CD2AP: variants seen among roughly 807,000 people sequenced by gnomAD.
CD2AP encodes CD2 associated protein, also known as CD2-associated protein.
Under a neutral mutation model 85.1 loss-of-function variants are expected in CD2AP, and 46 were observed. The ratio of observed to expected loss-of-function variants is 0.54; its 90% confidence interval spans 0.43 to 0.69. CD2AP has a LOEUF of 0.69. Among genes scored for constraint, CD2AP ranks in the 30% least tolerant of loss-of-function variants. The pLI, the probability that CD2AP is intolerant of heterozygous loss-of-function variation, is 0.00. For missense variants in CD2AP, 769 were observed against 729.5 expected (o/e 1.05, Z -0.62); for synonymous variants, 255 against 252.9 (o/e 1.01, Z -0.08).
chr6:47,605,288 A>G (rs1470440906), intron 13 of CD2AP, among the ~76,000 whole-genome samples: 1 of 151,976 alleles, frequency 6.6e-6, no homozygotes, highest in African/African-American at 2.4e-5. Flanking sequence ...GTAGCAGTTT[A>G]CCTTTTGGGT....
intron 1 of CD2AP, among the ~76,000 whole-genome samples, chr6:47,483,885 A>G (rs1765505960): frequency 6.7e-6 from 1 of 150,320 alleles, no homozygotes; most frequent in Non-Finnish European, 1.5e-5. Context: ...ACCTCAGCAT[A>G]TCCTTCTGTT....
At chr6:47,493,939 C>G (rs1456523143) in intron 1 of CD2AP, among the ~76,000 whole-genome samples, 6 of 152,064 alleles carry the variant, frequency 3.9e-5, no homozygotes, top group Admixed American at 6.5e-5. Context: ...TATGTGCTTA[C>G]CATATCCATT....
At chr6:47,510,998 G>C (rs370400344) in intron 2 of CD2AP, among the ~76,000 whole-genome samples, 256 of 148,654 alleles carry the variant, frequency 1.7e-3, no homozygotes, top group African/African-American at 6.1e-3. Context: ...GCTTGAACCC[G>C]GGAGGTAGAG....
chr6:47,550,424 A>G (rs1582547209), intron 4 of CD2AP, among the ~76,000 whole-genome samples: 1 of 152,320 alleles, frequency 6.6e-6, no homozygotes, highest in East Asian at 1.9e-4. Flanking sequence ...GAAGATATGC[A>G]ATGGCCAACA....
At chr6:47,502,176 C>CT (rs1440816019) in intron 1 of CD2AP, among the ~76,000 whole-genome samples, 1 of 152,220 alleles carries the variant, frequency 6.6e-6, no homozygotes, top group African/African-American at 2.4e-5. Flanking sequence ...AAGTTGCTTG[C>CT]TTGTGGCCCT....
At chr6:47,613,979 A>C (rs892467597) in intron 17 of CD2AP, among the ~76,000 whole-genome samples, 2 of 152,184 alleles carry the variant, frequency 1.3e-5, no homozygotes, top group South Asian at 4.1e-4. Flanking sequence ...CTACCTTCAT[A>C]CTTTTCCTCT....
At chr6:47,618,523 A>G (rs1185058349) in intron 17 of CD2AP, among the ~76,000 whole-genome samples, 3 of 152,162 alleles carry the variant, frequency 2.0e-5, no homozygotes, top group African/African-American at 7.2e-5. Flanking sequence ...TTAGATATCT[A>G]ATAAATTATT....
rs370986681 is a variant in CD2AP, at chr6:47,605,837, G to GT, written c.1418-322dup. ...GATCTTTGTTAGGAACTTAAGATGA[G>GT]TTTTTTATGCTACTACAGTTTGTGA... On this transcript the variant is annotated intron_variant, in intron 13 of 17. Transcript: ENST00000359314. Among the ~76,000 whole-genome samples the GT allele has an allele frequency of 4.1e-3, 620 of 152,066 alleles. 2 individuals carry two copies. Among genetic ancestry groups the GT allele is most frequent in the African/African-American group, 0.014 (567 of 41,528 alleles).
At chr6:47,538,533 A>C (rs1201321536) in intron 3 of CD2AP, among the ~76,000 whole-genome samples, 1 of 152,234 alleles carries the variant, frequency 6.6e-6, no homozygotes, top group Non-Finnish European at 1.5e-5. Flanking sequence ...GGCATAAGCC[A>C]CTGCGCCTGG....
At chr6:47,571,717 T>G (rs1428184955) in intron 5 of CD2AP, among the ~76,000 whole-genome samples, 1 of 152,132 alleles carries the variant, frequency 6.6e-6, no homozygotes, top group Admixed American at 6.5e-5. Flanking sequence ...GGGGTTAATA[T>G]GAGCAATTTC....
intron 3 of CD2AP, 29 bp from the exon 4 acceptor site, chr6:47,544,577 C>T (rs1207207963): frequency 7.4e-7 from 1 of 1,349,346 alleles, no homozygotes; most frequent in Non-Finnish European, 1.1e-6. Flanking sequence ...CATTCTTAAT[C>T]TAATTTCTTA....
intron 16 of CD2AP, among the ~76,000 whole-genome samples, chr6:47,611,617 CT>C (rs1175543624): frequency 6.6e-6 from 1 of 151,482 alleles, no homozygotes; most frequent in African/African-American, 2.4e-5. Flanking sequence ...TTCTTTTTTA[CT>C]TTTTCAAGCT....
intron 2 of CD2AP, among the ~76,000 whole-genome samples, chr6:47,524,107 C>A (rs1766663328): frequency 6.6e-6 from 1 of 152,134 alleles, no homozygotes; most frequent in South Asian, 2.1e-4. Flanking sequence ...TATATATAAA[C>A]CATGTTAATG....
At chr6:47,569,142 A>G (rs1309048475) in intron 5 of CD2AP, among the ~76,000 whole-genome samples, 1 of 152,200 alleles carries the variant, frequency 6.6e-6, no homozygotes, top group East Asian at 1.9e-4. Context: ...ATTTGATGAC[A>G]ACATATATTC....
chr6:47,595,245 C>T (rs758443398), intron 11 of CD2AP, among the ~76,000 whole-genome samples: 1 of 151,810 alleles, frequency 6.6e-6, no homozygotes, highest in Non-Finnish European at 1.5e-5. Flanking sequence ...TTTTCTTCTA[C>T]TTCAAATGGA....
intron 2 of CD2AP, among the ~76,000 whole-genome samples, chr6:47,524,890 G>T (rs1021684378): frequency 2.0e-5 from 3 of 152,070 alleles, no homozygotes; most frequent in Non-Finnish European, 4.4e-5. Flanking sequence ...TGCCGATTTT[G>T]ATCTATTGAC....
chr6:47,624,250 A>G lies in CD2AP; in HGVS notation c.*23A>G. On this transcript the variant is annotated 3_prime_UTR_variant, in exon 18 of 18. Coordinates refer to ENST00000359314, the MANE Select transcript of CD2AP (RefSeq NM_012120.3). ...TGAGTGGTGTGGACCTGGTGTTCATAATGTTCCAGGGATTCAGAAGCAACG... is the reference window on the plus strand; with the variant it reads ...TGAGTGGTGTGGACCTGGTGTTCATGATGTTCCAGGGATTCAGAAGCAACG... 1 of 1,595,752 alleles carries G rather than the reference A, an allele frequency of 6.3e-7. No homozygotes were observed. Among genetic ancestry groups the G allele is most frequent in the Non-Finnish European group, 8.6e-7 (1 of 1,163,654 alleles).
intron 11 of CD2AP, among the ~76,000 whole-genome samples, chr6:47,591,295 A>G (rs1369642017): frequency 6.6e-6 from 1 of 152,152 alleles, no homozygotes; most frequent in Non-Finnish European, 1.5e-5. Context: ...GATGTGGATC[A>G]TGTTCAGTTC....
intron 4 of CD2AP, chr6:47,545,013 G>A: frequency 4.2e-6 from 1 of 239,258 alleles, no homozygotes; most frequent in Non-Finnish European, 8.1e-6. Context: ...AAGGAATTTT[G>A]CCTTAGAAGG....
Sources: allele counts gnomAD v4.1 joint callset (sites outside exome capture counted in the v4.1 genomes callset), GRCh38; gene constraint gnomAD v4.1.1; transcripts MANE v1.5; gene names NCBI Gene and HGNC (gene_info 2026-07-23, HGNC 2026-07-21).